LRRC37A2: variants seen among roughly 807,000 people sequenced by gnomAD.
The protein encoded by LRRC37A2 is leucine-rich repeat-containing protein 37A2.
Under a neutral mutation model 68.8 loss-of-function variants are expected in LRRC37A2, and 9 were observed. The ratio of observed to expected loss-of-function variants is 0.13; its 90% CI spans 0.08 to 0.23. LRRC37A2 has a LOEUF of 0.23. LRRC37A2 is among the 10% of genes least tolerant of loss of function. The pLI is 1.00. For missense variants in LRRC37A2, 168 were observed against 950.4 expected, an observed-to-expected ratio of 0.18 and a Z score of 10.82; for synonymous variants, 63 against 367.6, an observed-to-expected ratio of 0.17 and a Z score of 9.48.
chr17:46,912,331 G>T, the LRRC37A2 span, among the ~76,000 whole-genome samples: 1 of 152,244 alleles, frequency 6.6e-6, no homozygotes, highest in African/African-American at 2.4e-5. Flanking sequence ...CAGCTCACAG[G>T]TGATGGGGTT....
At chr17:46,721,673 T>C in the LRRC37A2 span, 14 of 1,604,240 alleles carry the variant, frequency 8.7e-6, no homozygotes, top group Non-Finnish European at 1.2e-5. Flanking sequence ...GTGTTCCACA[T>C]TGTTCTGCTG....
chr17:46,876,182 G>A, the LRRC37A2 span: 1 of 1,470,556 alleles, frequency 6.8e-7, no homozygotes, highest in Non-Finnish European at 9.2e-7. Context: ...TGGTGCTCTG[G>A]GGGCAGGCTC....
chr17:46,996,237 A>G, the LRRC37A2 span, among the ~76,000 whole-genome samples: 2 of 152,056 alleles, frequency 1.3e-5, no homozygotes, highest in Admixed American at 6.6e-5. Flanking sequence ...TCATTCATTG[A>G]CTCATTTAAG....
chr17:46,877,122 G>C, the LRRC37A2 span: 2 of 979,522 alleles, frequency 2.0e-6, no homozygotes, highest in Non-Finnish European at 2.4e-6. Context: ...TGCTGGGCTA[G>C]GAATGCCAAG....
At chr17:46,883,305 A>G in the LRRC37A2 span, among the ~76,000 whole-genome samples, 2 of 121,222 alleles carry the variant, frequency 1.6e-5, no homozygotes, top group South Asian at 2.7e-4. Context: ...CCTTTGTGAG[A>G]TGGAGTCTCG....
At chr17:46,747,594 A>G in the LRRC37A2 span, among the ~76,000 whole-genome samples, 1 of 152,208 alleles carries the variant, frequency 6.6e-6, no homozygotes, top group Non-Finnish European at 1.5e-5. Flanking sequence ...AAAACAAGAT[A>G]TTGTATTTTA....
chr17:46,940,071 G>C, the LRRC37A2 span: 3 of 1,093,906 alleles, frequency 2.7e-6, no homozygotes, highest in Non-Finnish European at 3.3e-6. Context: ...CTTGTTGCTT[G>C]AACTGTCTTC....
chr17:46,888,199 A>C, the LRRC37A2 span, among the ~76,000 whole-genome samples: 4 of 152,194 alleles, frequency 2.6e-5, no homozygotes, highest in Non-Finnish European at 5.9e-5. Flanking sequence ...TTCCCAGAGA[A>C]GTGAGAGCCC....
At chr17:46,832,301 C>T in the LRRC37A2 span, among the ~76,000 whole-genome samples, 2 of 151,800 alleles carry the variant, frequency 1.3e-5, no homozygotes, top group African/African-American at 4.8e-5. Context: ...CTGAGCTGCC[C>T]GGAGGGAACT....
the LRRC37A2 span, among the ~76,000 whole-genome samples, chr17:46,982,896 C>T: frequency 2.6e-5 from 4 of 152,086 alleles, no homozygotes; most frequent in Non-Finnish European, 5.9e-5. Flanking sequence ...GGCTTTATAG[C>T]GGAAAAAGGA....
At chr17:46,713,874 C>G in the LRRC37A2 span, 2 of 1,611,658 alleles carry the variant, frequency 1.2e-6, no homozygotes, top group Non-Finnish European at 1.7e-6. Context: ...AGTGGGAAGA[C>G]TGCTTTAGCT....
At chr17:46,843,732 T>C in the LRRC37A2 span, among the ~76,000 whole-genome samples, 1 of 152,234 alleles carries the variant, frequency 6.6e-6, no homozygotes, top group Admixed American at 6.5e-5. Flanking sequence ...AACAGTTTTA[T>C]AGGACTTAGA....
At chr17:46,916,921 T>C in the LRRC37A2 span, 1 of 152,160 alleles carries the variant, frequency 6.6e-6, no homozygotes, top group Non-Finnish European at 1.5e-5. Context: ...TATCCTTTTA[T>C]CAGGAGTCCA....
At chr17:47,043,458 C>T in the LRRC37A2 span, among the ~76,000 whole-genome samples, 1 of 150,312 alleles carries the variant, frequency 6.7e-6, no homozygotes, top group Non-Finnish European at 1.5e-5. Flanking sequence ...AAGATTGCGC[C>T]ACTGCACTCC....
At chr17:46,687,473 C>T in the LRRC37A2 span, among the ~76,000 whole-genome samples, 2 of 147,836 alleles carry the variant, frequency 1.4e-5, no homozygotes, top group African/African-American at 5.0e-5. Flanking sequence ...AATTTCTTTT[C>T]TTCACTGTCA....
the LRRC37A2 span, among the ~76,000 whole-genome samples, chr17:46,496,415 A>C: frequency 3.4e-5 from 5 of 146,124 alleles, no homozygotes; most frequent in East Asian, 2.1e-4. Flanking sequence ...TCCAGACTGG[A>C]CAACATGGCG....
chr17:46,998,333 C>T, the LRRC37A2 span, among the ~76,000 whole-genome samples: 2 of 152,174 alleles, frequency 1.3e-5, no homozygotes, highest in Non-Finnish European at 2.9e-5. Flanking sequence ...TGGCTGAGCC[C>T]CTTTCCCTGC....
At chr17:46,837,738 G>A in the LRRC37A2 span, among the ~76,000 whole-genome samples, 1 of 152,164 alleles carries the variant, frequency 6.6e-6, no homozygotes, top group African/African-American at 2.4e-5. Flanking sequence ...TGGTCAGTGG[G>A]ATTTAGTTTC....
At chr17:46,845,062 T>C in the LRRC37A2 span, among the ~76,000 whole-genome samples, 1 of 152,222 alleles carries the variant, frequency 6.6e-6, no homozygotes, top group South Asian at 2.1e-4. Flanking sequence ...TTGACCAGTC[T>C]GGTCTGGAAC....
Sources: gnomAD v4.1 joint callset for allele counts (sites outside exome capture counted in the v4.1 genomes callset) on GRCh38, gnomAD v4.1.1 for gene constraint, MANE v1.5 for transcripts, NCBI Gene and HGNC (gene_info 2026-07-23, HGNC 2026-07-21) for gene names.